Variants in FBXL17 observed in about 807,000 individuals in gnomAD.
FBXL17 encodes F-box/LRR-repeat protein 17.
In FBXL17, 22 loss-of-function variants were observed where a neutral mutation model predicts 66.2. The ratio of observed to expected loss-of-function variants is 0.33; its 90% CI spans 0.24 to 0.47. The LOEUF is 0.47. Ranked by LOEUF, FBXL17 falls within the 20% of genes least tolerant of loss-of-function variation. The pLI is 1.00. For missense variants in FBXL17, 878 were observed against 948.2 expected (o/e 0.93, Z 0.97); for synonymous variants, 474 against 400.5 (o/e 1.18, Z -2.19).
At chr5:108,037,161 C>CCATG (rs1246427215) in intron 6 of FBXL17, among the ~76,000 whole-genome samples, 1 of 152,060 alleles carries the variant, frequency 6.6e-6, no homozygotes, top group Non-Finnish European at 1.5e-5. Context: ...TGAGAAGACA[C>CCATG]CATGATATTT....
Position 107,881,106 on chromosome 5 carries a change from G to C in FBXL17, c.1896C>G (p.Asp632Glu). The C allele has an allele frequency of 6.2e-7, 1 of 1,614,008 alleles. No homozygotes were observed. Residue 632 changes from aspartate (D) to glutamate (E), a missense_variant, in exon 8 of 9, where the codon GAC becomes GAG. Transcript: ENST00000542267. The stretch of plus-strand genomic sequence containing the variant: ...TCTGTGCAATCAGGGTGGCTCCTTG[G>C]TCTGTGATTTCTTTACACCATCCGA... The part of the protein sequence containing the change: ...VDVGWCKEIT[D>E]QGATLIAQSS...
At chr5:107,867,686 G>T (rs1242588320) in intron 8 of FBXL17, among the ~76,000 whole-genome samples, 1 of 152,216 alleles carries the variant, frequency 6.6e-6, no homozygotes, top group Non-Finnish European at 1.5e-5. Context: ...CCTATCTTCT[G>T]ATTTCTTGGG....
intron 7 of FBXL17, among the ~76,000 whole-genome samples, chr5:107,928,028 A>G (rs1750590379): frequency 6.6e-6 from 1 of 152,134 alleles, no homozygotes; most frequent in African/African-American, 2.4e-5. Flanking sequence ...TAAAATATTA[A>G]GGCTACCCTA....
At chr5:108,303,385 CACACACACACAT>C (rs1164250105) in intron 4 of FBXL17, among the ~76,000 whole-genome samples, 1 of 148,462 alleles carries the variant, frequency 6.7e-6, no homozygotes, top group East Asian at 2.0e-4. Flanking sequence ...CACACACACA[CACACACACACAT>C]ACCCACACAC....
intron 6 of FBXL17, among the ~76,000 whole-genome samples, chr5:108,141,186 G>T (rs1266243024): frequency 6.6e-6 from 1 of 152,070 alleles, no homozygotes; most frequent in African/African-American, 2.4e-5. Flanking sequence ...GTCTGCCCAG[G>T]ATGGATTATC....
At chr5:107,972,761 C>T (rs1462923397) in intron 7 of FBXL17, among the ~76,000 whole-genome samples, 2 of 152,178 alleles carry the variant, frequency 1.3e-5, no homozygotes, top group African/African-American at 2.4e-5. Context: ...ATCTATTTTA[C>T]ATCCCATAAA....
At chr5:108,293,683 C>T (rs984317357) in intron 4 of FBXL17, among the ~76,000 whole-genome samples, 5 of 152,076 alleles carry the variant, frequency 3.3e-5, no homozygotes, top group Non-Finnish European at 1.5e-5. Flanking sequence ...GCTGTTAAGT[C>T]ATTAATTTTA....
intron 6 of FBXL17, among the ~76,000 whole-genome samples, chr5:108,097,180 A>C (rs1273365945): frequency 6.6e-6 from 1 of 151,728 alleles, no homozygotes; most frequent in African/African-American, 2.4e-5. Context: ...GTGTGTTCAC[A>C]CTCTCTCTCT....
At chr5:108,304,225 T>G (rs1164110789) in intron 4 of FBXL17, among the ~76,000 whole-genome samples, 1 of 152,042 alleles carries the variant, frequency 6.6e-6, no homozygotes, top group Non-Finnish European at 1.5e-5. Context: ...TACCGTATAA[T>G]TCTTTAAATC....
intron 4 of FBXL17, among the ~76,000 whole-genome samples, chr5:108,339,570 G>C (rs1212620906): frequency 2.7e-5 from 4 of 145,666 alleles, no homozygotes; most frequent in African/African-American, 1.0e-4. Context: ...ATAAAAATTA[G>C]ATTTTTATTA....
intron 7 of FBXL17, among the ~76,000 whole-genome samples, chr5:107,916,749 T>C (rs1750146636): frequency 6.6e-6 from 1 of 152,220 alleles, no homozygotes; most frequent in Non-Finnish European, 1.5e-5. Flanking sequence ...AACTAAAGAA[T>C]ATTTTACTTC....
At chr5:107,947,932 G>C (rs887242548) in intron 7 of FBXL17, among the ~76,000 whole-genome samples, 1 of 152,092 alleles carries the variant, frequency 6.6e-6, no homozygotes, top group Non-Finnish European at 1.5e-5. Flanking sequence ...CTGAACAGAA[G>C]ATGGGTTTAG....
chr5:107,997,990 C>T (rs1420501924), intron 7 of FBXL17, among the ~76,000 whole-genome samples: 1 of 152,198 alleles, frequency 6.6e-6, no homozygotes, highest in Non-Finnish European at 1.5e-5. Context: ...TAGAGCTACA[C>T]TGTCCAAAGA....
rs143178849 is a variant in FBXL17 at position 107,902,716 on chromosome 5, C to T, written c.1823-21537G>A. ...TCTTTTAGTACTTTCTTCCCATCTG[C>T]CTTTATTTATTTTTTAAAAGTTCTT... On this transcript the variant is annotated intron_variant, in intron 7 of 8. Transcript: ENST00000542267. Among the ~76,000 whole-genome samples the T allele has an allele frequency of 2.6e-3, 395 of 152,046 alleles. 3 individuals carry two copies. The highest frequency in any genetic ancestry group is 8.4e-3 in the African/African-American group (348 of 41,484).
chr5:108,180,970 A>AT (rs987187959), intron 6 of FBXL17, among the ~76,000 whole-genome samples: 3 of 152,128 alleles, frequency 2.0e-5, no homozygotes, highest in African/African-American at 7.2e-5. Flanking sequence ...AAATGGAGAG[A>AT]TTACCTTTGA....
At chr5:108,292,816 G>A (rs900177349) in intron 4 of FBXL17, among the ~76,000 whole-genome samples, 22 of 152,074 alleles carry the variant, frequency 1.4e-4, no homozygotes, top group African/African-American at 5.3e-4. Flanking sequence ...ATATCTTGTT[G>A]AGGCCGGGCG....
intron 6 of FBXL17, among the ~76,000 whole-genome samples, chr5:108,032,506 TA>T (rs1746679879): frequency 6.6e-6 from 1 of 152,088 alleles, no homozygotes; most frequent in African/African-American, 2.4e-5. Flanking sequence ...GGGTGGGCTG[TA>T]AATGCAATCA....
intron 4 of FBXL17, among the ~76,000 whole-genome samples, chr5:108,260,636 TGA>T (rs1223571474): frequency 1.3e-5 from 2 of 151,994 alleles, no homozygotes; most frequent in Non-Finnish European, 2.9e-5. Context: ...GCCCACAAAA[TGA>T]GAGACAACTA....
intron 6 of FBXL17, among the ~76,000 whole-genome samples, chr5:108,167,256 C>A (rs1320160062): frequency 6.6e-6 from 1 of 152,102 alleles, no homozygotes; most frequent in Non-Finnish European, 1.5e-5. Context: ...TGATTTAAGA[C>A]CTTCACTGTC....
Sources: gnomAD v4.1 joint callset for allele counts (sites outside exome capture counted in the v4.1 genomes callset) on GRCh38, gnomAD v4.1.1 for gene constraint, MANE v1.5 for transcripts, NCBI Gene and HGNC (gene_info 2026-07-23, HGNC 2026-07-21) for gene names.